IGFL2: variants seen among roughly 807,000 people sequenced by gnomAD.
IGFL2 encodes insulin growth factor-like family member 2.
A neutral mutation model predicts 13.9 loss-of-function variants in IGFL2; 7 were observed. The observed-to-expected ratio is 0.51, with a 90% CI of 0.29 to 0.95. IGFL2 has a LOEUF of 0.95. Ranked by LOEUF, IGFL2 falls within the 40% of genes least tolerant of loss-of-function variation. The pLI is 0.08. For missense variants in IGFL2, 138 were observed against 147.8 expected, an observed-to-expected ratio of 0.93 and a Z score of 0.34; for synonymous variants, 55 against 55.8, an observed-to-expected ratio of 0.99 and a Z score of 0.07.
chr19:46,185,292 C>T, the IGFL2 span, among the ~76,000 whole-genome samples: 4 of 152,202 alleles, frequency 2.6e-5, no homozygotes, highest in Non-Finnish European at 4.4e-5. Context: ...CCTCTCTCTG[C>T]CTGCCAGCTC....
the IGFL2 span, among the ~76,000 whole-genome samples, chr19:46,168,090 C>T: frequency 6.6e-6 from 1 of 152,162 alleles, no homozygotes; most frequent in African/African-American, 2.4e-5. Context: ...GCACATACCA[C>T]CATGCCAGCT....
At chr19:46,161,308 C>A, downstream of IGFL2, 3 of 347,592 alleles carry the variant, frequency 8.6e-6, no homozygotes, top group East Asian at 4.5e-5. Context: ...TACCCAATGT[C>A]GTCTCCTTTC....
chr19:46,173,736 C>T, the IGFL2 span: 1 of 152,244 alleles, frequency 6.6e-6, no homozygotes. Context: ...GGGGATCACA[C>T]TTTAACATGA....
chr19:46,123,322 A>G, the IGFL2 span, among the ~76,000 whole-genome samples: 1 of 150,946 alleles, frequency 6.6e-6, no homozygotes, highest in South Asian at 2.1e-4. Flanking sequence ...AAATAGAAAC[A>G]AAAGGACTAC....
chr19:46,120,640 A>G, the IGFL2 span, among the ~76,000 whole-genome samples: 2 of 151,228 alleles, frequency 1.3e-5, no homozygotes, highest in East Asian at 2.0e-4. Flanking sequence ...AATGCAATGC[A>G]ATAGAAATCT....
At chr19:46,184,869 A>AC in the IGFL2 span, among the ~76,000 whole-genome samples, 1 of 152,206 alleles carries the variant, frequency 6.6e-6, no homozygotes, top group Admixed American at 6.5e-5. Context: ...TTATACTCCC[A>AC]CCAACAGTGT....
chr19:46,173,313 G>T, the IGFL2 span, among the ~76,000 whole-genome samples: 1 of 152,168 alleles, frequency 6.6e-6, no homozygotes, highest in Non-Finnish European at 1.5e-5. Flanking sequence ...GGAAAATTCA[G>T]GAATAACAAG....
chr19:46,134,691 A>G, the IGFL2 span, among the ~76,000 whole-genome samples: 2 of 152,220 alleles, frequency 1.3e-5, no homozygotes, highest in Admixed American at 1.3e-4. Flanking sequence ...TAATGCTCCT[A>G]CTGATCTGAC....
chr19:46,155,916 G>A (rs1263460912), intron 1 of IGFL2, among the ~76,000 whole-genome samples: 3 of 152,056 alleles, frequency 2.0e-5, no homozygotes, highest in Non-Finnish European at 2.9e-5. Flanking sequence ...AGGGTAAGTC[G>A]TATAACTTTG....
At chr19:46,144,964 G>T (rs959577441), upstream of IGFL2, among the ~76,000 whole-genome samples, 1 of 152,132 alleles carries the variant, frequency 6.6e-6, no homozygotes, top group Non-Finnish European at 1.5e-5. Flanking sequence ...ATAGTTCCTT[G>T]TCTTTTTATT....
the IGFL2 span, among the ~76,000 whole-genome samples, chr19:46,187,861 G>A: frequency 3.8e-4 from 21 of 55,872 alleles, no homozygotes; most frequent in Middle Eastern, 0.039. Flanking sequence ...GCATTAACCC[G>A]TTTAAACCTG....
the IGFL2 span, among the ~76,000 whole-genome samples, chr19:46,193,890 C>G: frequency 6.6e-6 from 1 of 152,176 alleles, no homozygotes; most frequent in African/African-American, 2.4e-5. Flanking sequence ...TGTGTTGGCT[C>G]AGCCTCTCTG....
the IGFL2 span, among the ~76,000 whole-genome samples, chr19:46,186,652 T>C: frequency 6.6e-6 from 1 of 152,246 alleles, no homozygotes; most frequent in African/African-American, 2.4e-5. Flanking sequence ...CAGTTGATAG[T>C]CTGGCCTTCC....
chr19:46,190,884 T>G, the IGFL2 span, among the ~76,000 whole-genome samples: 2 of 152,116 alleles, frequency 1.3e-5, no homozygotes, highest in Non-Finnish European at 2.9e-5. Flanking sequence ...GCCCTCGCCC[T>G]CAGAAGAAGG....
chr19:46,147,831 G>A (rs573690612), upstream of IGFL2: 22 of 158,094 alleles, frequency 1.4e-4, no homozygotes, highest in African/African-American at 5.3e-4. Flanking sequence ...GTCTGGAGCC[G>A]GACTGAGATG....
the IGFL2 span, among the ~76,000 whole-genome samples, chr19:46,110,243 G>A: frequency 6.6e-6 from 1 of 152,218 alleles, no homozygotes; most frequent in Non-Finnish European, 1.5e-5. Context: ...AGAAGAAGGT[G>A]TATAAGCAAG....
chr19:46,082,879 G>C, the IGFL2 span, among the ~76,000 whole-genome samples: 1 of 152,226 alleles, frequency 6.6e-6, no homozygotes, highest in African/African-American at 2.4e-5. Context: ...TTAGTAGGTG[G>C]TAATTTTCCC....
At chr19:46,139,398 G>A (rs1302853345), upstream of IGFL2, among the ~76,000 whole-genome samples, 3 of 151,110 alleles carry the variant, frequency 2.0e-5, no homozygotes, top group African/African-American at 7.3e-5. Context: ...TTTTAAGGCT[G>A]AATTTAAGAA....
chr19:46,198,285 T>C, the IGFL2 span: 5 of 149,472 alleles, frequency 3.3e-5, no homozygotes, highest in African/African-American at 1.2e-4. Context: ...ATTAAAAAAA[T>C]TTTTTTTTTG....
Sources: allele counts gnomAD v4.1 joint callset (sites outside exome capture counted in the v4.1 genomes callset), GRCh38; gene constraint gnomAD v4.1.1; transcripts MANE v1.5; gene names NCBI Gene and HGNC (gene_info 2026-07-23, HGNC 2026-07-21).